ASTN2: variants seen among roughly 807,000 people sequenced by gnomAD.
ASTN2 encodes astrotactin 2.
A neutral mutation model predicts 139.8 loss-of-function variants in ASTN2; 54 were observed. That is an observed-to-expected ratio of 0.39 (90% CI 0.31 to 0.48). The LOEUF is 0.48. Ranked by LOEUF, ASTN2 falls within the 20% of genes least tolerant of loss-of-function variation. ASTN2 has a pLI of 0.95. For missense variants in ASTN2, 1,565 were observed against 1,725.1 expected (o/e 0.91, Z 1.64); for synonymous variants, 756 against 719.5 (o/e 1.05, Z -0.81).
chr9:116,612,205 C>A (rs904112810), intron 19 of ASTN2: 3 of 152,256 alleles, frequency 2.0e-5, no homozygotes, highest in African/African-American at 4.8e-5. Flanking sequence ...AATATAGGAG[C>A]ACCCAGATTC....
At chr9:117,200,996 CTT>C (rs777675838) in intron 3 of ASTN2, among the ~76,000 whole-genome samples, 1,590 of 94,944 alleles carry the variant, frequency 0.017, 22 homozygotes, top group East Asian at 0.11. Flanking sequence ...TGGTCCTGGG[CTT>C]TTTTTTTTTT....
chr9:116,634,589 CAAAAAAAAAAAAAAA>C (rs57882262), intron 17 of ASTN2, among the ~76,000 whole-genome samples: 1 of 104,238 alleles, frequency 9.6e-6, no homozygotes. Flanking sequence ...GACTCCGTCT[CAAAAAAAAAAAAAAA>C]AAAAAAAAAA....
At chr9:116,994,230 C>A (rs970198431) in intron 7 of ASTN2, among the ~76,000 whole-genome samples, 8 of 152,054 alleles carry the variant, frequency 5.3e-5, no homozygotes, top group African/African-American at 1.9e-4. Flanking sequence ...TGTTGTAGCA[C>A]AAAAGCTGTC....
chr9:116,951,662 A>T (rs1328178812), intron 10 of ASTN2, among the ~76,000 whole-genome samples: 7 of 152,202 alleles, frequency 4.6e-5, no homozygotes, highest in Non-Finnish European at 1.0e-4. Context: ...ATTTGGTGGC[A>T]GAAGCTATGG....
rs150670955 is a variant in ASTN2 at position 117,241,476 on chromosome 9, G to C, written c.631-26734C>G. ...TTTCGTGGAAGAAAATTTTTCCATG[G>C]ACTTATGGGGGGCCTGTGGTTACGG... On this transcript the variant is annotated intron_variant, in intron 2 of 22. Coordinates refer to ENST00000313400, the MANE Select transcript of ASTN2 (RefSeq NM_001365068.1). Among the ~76,000 whole-genome samples, 814 of 152,206 alleles carry C rather than the reference G, an allele frequency of 5.3e-3. 11 individuals are homozygous for C. Among genetic ancestry groups the C allele is most frequent in the African/African-American group, 0.019 (783 of 41,522 alleles).
chr9:116,452,785 T>C (rs1192612505), intron 20 of ASTN2, among the ~76,000 whole-genome samples: 7 of 152,196 alleles, frequency 4.6e-5, no homozygotes, highest in Admixed American at 1.3e-4. Flanking sequence ...CAAGTGGGTC[T>C]TGAGTCACAG....
At chr9:117,108,438 A>AACAAAACACACACACACACACACAC (rs1829161771) in intron 4 of ASTN2, among the ~76,000 whole-genome samples, 1 of 145,234 alleles carries the variant, frequency 6.9e-6, no homozygotes, top group Non-Finnish European at 1.5e-5. Flanking sequence ...AACAAAACAA[A>AACAAAACACACACACACACACACAC]ACACACACAC....
At chr9:117,060,226 G>T (rs552021262) in intron 5 of ASTN2, among the ~76,000 whole-genome samples, 49 of 151,106 alleles carry the variant, frequency 3.2e-4, no homozygotes, top group African/African-American at 1.2e-3. Flanking sequence ...CACAAGAATT[G>T]CTTGAACCTG....
chr9:116,755,380 C>A (rs1429344782), intron 13 of ASTN2, among the ~76,000 whole-genome samples: 1 of 152,086 alleles, frequency 6.6e-6, no homozygotes, highest in Non-Finnish European at 1.5e-5. Context: ...AAAATGAGGT[C>A]ATTAAGATGG....
rs539780212 is a variant in ASTN2 at position 116,580,451 on chromosome 9, G to A, written c.3355+37873C>T. On this transcript the variant is annotated intron_variant, in intron 19 of 22. Transcript: ENST00000313400. The stretch of plus-strand genomic sequence containing the variant: ...TGATCAGGGGTTATTAGAATCTGGG[G>A]TGAGAAAAGGGGAGCAGAAGACAGC... Among the ~76,000 whole-genome samples, 17 of 152,268 alleles carry A rather than the reference G, an allele frequency of 1.1e-4. No individual in the cohort carries two copies. In the South Asian group the frequency reaches 2.7e-3, roughly 24 times the overall value.
chr9:117,034,674 G>C (rs1379652674), intron 6 of ASTN2, among the ~76,000 whole-genome samples: 1 of 152,112 alleles, frequency 6.6e-6, no homozygotes, highest in Non-Finnish European at 1.5e-5. Context: ...CAGAGAATCT[G>C]ACTCACTGGT....
At chr9:116,663,809 C>A (rs1315045129) in intron 16 of ASTN2, among the ~76,000 whole-genome samples, 3 of 152,100 alleles carry the variant, frequency 2.0e-5, no homozygotes, top group Admixed American at 6.6e-5. Context: ...TAAATCCTAA[C>A]AATGAGAGGT....
At chr9:116,724,258 A>G (rs774234030) in intron 16 of ASTN2, among the ~76,000 whole-genome samples, 15 of 152,264 alleles carry the variant, frequency 9.9e-5, no homozygotes, top group Middle Eastern at 3.4e-3. Flanking sequence ...GCACAATGAG[A>G]CTTCTATTGA....
chr9:116,664,858 T>C (rs528630739), intron 16 of ASTN2, among the ~76,000 whole-genome samples: 5 of 152,272 alleles, frequency 3.3e-5, no homozygotes, highest in Admixed American at 1.3e-4. Context: ...ATTGGTGATA[T>C]AGCTTGGATG....
chr9:116,763,655 C>T (rs543241598), intron 13 of ASTN2, among the ~76,000 whole-genome samples: 1 of 152,280 alleles, frequency 6.6e-6, no homozygotes, highest in East Asian at 1.9e-4. Context: ...GGCTGTGTGA[C>T]ATAGGGTAAG....
intron 1 of ASTN2, among the ~76,000 whole-genome samples, chr9:117,408,970 A>G (rs1381593274): frequency 6.6e-6 from 1 of 152,194 alleles, no homozygotes; most frequent in African/African-American, 2.4e-5. Context: ...AGAGGCCACT[A>G]AACACCACCT....
At chr9:116,845,310 G>A (rs972038662) in intron 11 of ASTN2, among the ~76,000 whole-genome samples, 14 of 152,042 alleles carry the variant, frequency 9.2e-5, no homozygotes, top group Admixed American at 5.9e-4. Context: ...TAGTAGAGAC[G>A]GGGTTTCACC....
chr9:116,897,955 G>C (rs770534144), intron 10 of ASTN2, among the ~76,000 whole-genome samples: 1 of 152,162 alleles, frequency 6.6e-6, no homozygotes. Context: ...GATTAGCAAT[G>C]ACAAATGTGG....
intron 2 of ASTN2, among the ~76,000 whole-genome samples, chr9:117,275,954 T>C (rs1834178565): frequency 6.6e-6 from 1 of 152,130 alleles, no homozygotes; most frequent in African/African-American, 2.4e-5. Flanking sequence ...CATTAGGGGT[T>C]GAGCTTCAAC....
Sources: allele counts gnomAD v4.1 joint callset (sites outside exome capture counted in the v4.1 genomes callset), GRCh38; gene constraint gnomAD v4.1.1; transcripts MANE v1.5; gene names NCBI Gene and HGNC (gene_info 2026-07-23, HGNC 2026-07-21).